The following GRID2 variants were observed in gnomAD, a reference collection of about 807,000 sequenced individuals.
GRID2 encodes the protein glutamate ionotropic receptor delta type subunit 2, also known as glutamate receptor ionotropic, delta-2.
GRID2 carries 33 observed loss-of-function variants against 114.8 expected under a neutral mutation model. The observed-to-expected ratio is 0.29, with a 90% CI of 0.22 to 0.38. The LOEUF (loss-of-function observed/expected upper bound fraction) is 0.38. Among genes scored for constraint, GRID2 ranks in the 10% least tolerant of loss-of-function variants. The pLI is 1.00. For synonymous variants in GRID2, 505 were observed against 449.9 expected, an observed-to-expected ratio of 1.12 and a Z score of -1.55; for missense variants, 1,184 against 1,257.7, an observed-to-expected ratio of 0.94 and a Z score of 0.89.
At chr4:92,616,404 T>C (rs909989914) in intron 2 of GRID2, among the ~76,000 whole-genome samples, 2 of 151,632 alleles carry the variant, frequency 1.3e-5, no homozygotes, top group East Asian at 3.9e-4. Context: ...TCCTTTAAGT[T>C]TTTTTCTTTG....
intron 2 of GRID2, among the ~76,000 whole-genome samples, chr4:92,823,562 G>A (rs1003318838): frequency 6.6e-6 from 1 of 151,978 alleles, no homozygotes; most frequent in Non-Finnish European, 1.5e-5. Flanking sequence ...CCATCTTCTT[G>A]TCAACTGAAT....
intron 2 of GRID2, among the ~76,000 whole-genome samples, chr4:92,837,756 A>C (rs1466067243): frequency 1.3e-5 from 2 of 152,092 alleles, no homozygotes; most frequent in African/African-American, 2.4e-5. Flanking sequence ...GATTTGGACT[A>C]GGATCTATTT....
intron 2 of GRID2, among the ~76,000 whole-genome samples, chr4:92,855,149 T>TA (rs1744086477): frequency 6.6e-6 from 1 of 152,058 alleles, no homozygotes; most frequent in Non-Finnish European, 1.5e-5. Flanking sequence ...GACTACTTCT[T>TA]ACAGCTACCT....
intron 1 of GRID2, among the ~76,000 whole-genome samples, chr4:92,342,221 A>G (rs1167225460): frequency 1.3e-5 from 2 of 152,134 alleles, no homozygotes; most frequent in Non-Finnish European, 2.9e-5. Flanking sequence ...ATATGTATGT[A>G]TATGTCAATA....
chr4:92,745,932 GTTTC>G (rs1012891184), intron 2 of GRID2, among the ~76,000 whole-genome samples: 2 of 152,208 alleles, frequency 1.3e-5, no homozygotes, highest in Admixed American at 1.3e-4. Flanking sequence ...AAATCATCGG[GTTTC>G]TTTCTTTCTC....
intron 4 of GRID2, among the ~76,000 whole-genome samples, chr4:93,200,063 G>A (rs1579269438): frequency 6.6e-6 from 1 of 152,000 alleles, no homozygotes; most frequent in African/African-American, 2.4e-5. Context: ...AGTGCACTTT[G>A]GCCATATGCA....
At position 92,578,041 on chromosome 4, in the gene GRID2, TTTCTTCTTCTTCTTCTTCTTCTTCTTC is replaced by T. The variant is rs201059955; in HGVS notation, c.89-12042_89-12016del. On this transcript the variant is annotated intron_variant, in intron 1 of 15. Coordinates refer to ENST00000282020, the MANE Select transcript of GRID2 (RefSeq NM_001510.4). ...CTTACTAAAATTTTCTGAAACTTAGTTTCTTCTTCTTCTTCTTCTTCTTCTTCTTCTTCTTCTTCTTCTTCTTCTTCT... is the reference window on the plus strand; with the variant it reads ...CTTACTAAAATTTTCTGAAACTTAGTTTCTTCTTCTTCTTCTTCTTCTTCT... Among the ~76,000 whole-genome samples, 17 of 125,826 alleles carry T rather than the reference TTTCTTCTTCTTCTTCTTCTTCTTCTTC, an allele frequency of 1.4e-4. 1 individual carries two copies. Among genetic ancestry groups the T allele is most frequent in the East Asian group, 4.9e-4 (2 of 4,042 alleles). The allele number at this position is 125,826 out of a possible 152,430, so 82.5% of individuals were successfully genotyped here.
At chr4:92,488,929 A>G (rs1160871267) in intron 1 of GRID2, among the ~76,000 whole-genome samples, 1 of 152,200 alleles carries the variant, frequency 6.6e-6, no homozygotes, top group Non-Finnish European at 1.5e-5. Context: ...AACTGCGACT[A>G]CAGTAGAACA....
Position 93,470,442 on chromosome 4 carries a change from C to T in GRID2, c.1858+14468C>T, listed in dbSNP as rs1724695175. ...CTTGTTTCACTCCAAGACTTGACAG[C>T]GATGCAATTTAATCCTCAAATCTGT... is the stretch of plus-strand genomic sequence containing the variant. On this transcript the variant is annotated intron_variant, in intron 11 of 15. Transcript: ENST00000282020. Among the ~76,000 whole-genome samples, 4 of 152,038 alleles carry T rather than the reference C, an allele frequency of 2.6e-5. No individual in the cohort carries two copies. In the South Asian group the frequency reaches 8.3e-4, roughly 32 times the overall value.
intron 13 of GRID2, among the ~76,000 whole-genome samples, chr4:93,538,286 G>T (rs146957528): frequency 6.6e-6 from 1 of 151,584 alleles, no homozygotes; most frequent in African/African-American, 2.4e-5. Flanking sequence ...GGGCCAAGTG[G>T]AAACACTTTC....
At chr4:93,258,831 T>G in intron 8 of GRID2, 1 of 447,034 alleles carries the variant, frequency 2.2e-6, no homozygotes. Context: ...ATAAACAACA[T>G]GAAAGTAATT....
At chr4:92,959,305 C>G (rs1259443816) in intron 2 of GRID2, among the ~76,000 whole-genome samples, 1 of 151,790 alleles carries the variant, frequency 6.6e-6, no homozygotes, top group African/African-American at 2.4e-5. Flanking sequence ...TTAGATCTTT[C>G]TTCGTCTCTA....
intron 2 of GRID2, among the ~76,000 whole-genome samples, chr4:92,952,506 C>T (rs1055780974): frequency 2.0e-5 from 3 of 151,376 alleles, no homozygotes; most frequent in Non-Finnish European, 4.4e-5. Context: ...TTGTGCTTCT[C>T]CTCATGTTTT....
intron 4 of GRID2, among the ~76,000 whole-genome samples, chr4:93,124,546 T>C (rs1734104214): frequency 6.6e-6 from 1 of 152,204 alleles, no homozygotes; most frequent in Admixed American, 6.5e-5. Flanking sequence ...TGGATCTTAG[T>C]TAGCACTGGA....
chr4:93,342,137 T>C (rs866778277), intron 8 of GRID2, among the ~76,000 whole-genome samples: 30 of 152,142 alleles, frequency 2.0e-4, no homozygotes, highest in African/African-American at 7.0e-4. Context: ...CTAAAAACTC[T>C]TCGGTGATAG....
intron 4 of GRID2, among the ~76,000 whole-genome samples, chr4:93,124,698 G>A (rs1445139931): frequency 6.6e-6 from 1 of 152,066 alleles, no homozygotes; most frequent in Non-Finnish European, 1.5e-5. Flanking sequence ...ATGAAGCTTT[G>A]TTGAAAAATT....
chr4:92,304,216 C>G lies in GRID2; in HGVS notation c.-441C>G, dbSNP rs373660070. 2 of 177,450 alleles carry G rather than the reference C, an allele frequency of 1.1e-5. No individual in the cohort carries two copies. The highest frequency in any genetic ancestry group is 3.7e-4 in the East Asian group (2 of 5,438). The allele number at this position is 177,450 out of a possible 1,614,324, so 11.0% of individuals were successfully genotyped here. A position where few individuals can be genotyped will look rare whatever the true frequency, so the allele number is the denominator to read the frequency against. ...GGGCTGTAGGGGCGGGGGCGGGGGT[C>G]TTTTTTGGTCCGAGAGGGTGCGGGG... On this transcript the variant is annotated 5_prime_UTR_variant, in exon 1 of 16. Transcript: ENST00000282020.
chr4:93,022,788 A>G (rs1723505758), intron 2 of GRID2, among the ~76,000 whole-genome samples: 1 of 151,876 alleles, frequency 6.6e-6, no homozygotes, highest in South Asian at 2.1e-4. Flanking sequence ...TATTTTGTTC[A>G]ACTTTTACTT....
chr4:92,620,839 G>A (rs1332358645), intron 2 of GRID2, among the ~76,000 whole-genome samples: 1 of 151,092 alleles, frequency 6.6e-6, no homozygotes, highest in Non-Finnish European at 1.5e-5. Context: ...TATACCTAAT[G>A]CTAAATGATG....
Sources: allele counts gnomAD v4.1 joint callset (sites outside exome capture counted in the v4.1 genomes callset), GRCh38; gene constraint gnomAD v4.1.1; transcripts MANE v1.5; gene names NCBI Gene and HGNC (gene_info 2026-07-23, HGNC 2026-07-21).